Variants in KICS2 observed in about 807,000 individuals in gnomAD.
The protein encoded by KICS2 is KICSTOR complex protein C12orf66.
A neutral mutation model predicts 31.4 loss-of-function variants in KICS2; 13 were observed. The ratio of observed to expected loss-of-function variants is 0.41; its 90% CI spans 0.27 to 0.66. The LOEUF is 0.66. KICS2 is among the 30% of genes least tolerant of loss of function. The pLI is 0.28. For missense variants in KICS2, 455 were observed against 545.4 expected (o/e 0.83, Z 1.65); for synonymous variants, 209 against 214.8 (o/e 0.97, Z 0.24).
At chr12:64,213,822 C>G (rs2037604453) in intron 2 of KICS2, among the ~76,000 whole-genome samples, 1 of 152,196 alleles carries the variant, frequency 6.6e-6, no homozygotes, top group Admixed American at 6.5e-5. Context: ...TCTTCAGTCC[C>G]TCTTGTCTTT....
At chr12:64,212,387 C>T (rs986668369) in intron 2 of KICS2, among the ~76,000 whole-genome samples, 1 of 152,150 alleles carries the variant, frequency 6.6e-6, no homozygotes, top group Non-Finnish European at 1.5e-5. Context: ...ATGACTTTGC[C>T]TGTTCTGGGT....
intron 2 of KICS2, among the ~76,000 whole-genome samples, chr12:64,209,729 T>A (rs1306496263): frequency 6.6e-6 from 1 of 152,186 alleles, no homozygotes; most frequent in Non-Finnish European, 1.5e-5. Context: ...CTGCAATAAC[T>A]CACACAGGAC....
chr12:64,186,661 T>C (rs1253334250), downstream of KICS2: 2 of 152,246 alleles, frequency 1.3e-5, no homozygotes, highest in East Asian at 1.9e-4. Flanking sequence ...TCATGGTTTT[T>C]CCAAAATTTG....
downstream of KICS2, among the ~76,000 whole-genome samples, chr12:64,189,102 G>A (rs529929264): frequency 5.9e-5 from 9 of 152,204 alleles, no homozygotes; most frequent in African/African-American, 1.7e-4. Context: ...GTGGTGAGCC[G>A]AGATCGTGCC....
At position 64,215,794 on chromosome 12, in the gene KICS2, A is replaced by G; in HGVS notation, c.405T>C (p.Ala135=). The G allele has an allele frequency of 6.2e-7, 1 of 1,614,076 alleles. No homozygotes were observed. Among genetic ancestry groups the G allele is most frequent in the Non-Finnish European group, 8.5e-7 (1 of 1,180,018 alleles). The change falls in exon 2 of 3, where the codon GCT becomes GCC. Residue 135 remains alanine (A), a synonymous_variant. Transcript: ENST00000398055. The part of the protein sequence containing the change: ...LSEQLCFFVQ[A]RMEIADFYEK... ...CATAGAAGTCTGCTATCTCCATCCG[A>G]GCCTGAACAAAGAAGCAGAGCTGCT...
downstream of KICS2, among the ~76,000 whole-genome samples, chr12:64,190,734 C>A (rs776455687): frequency 4.6e-5 from 7 of 151,614 alleles, no homozygotes; most frequent in East Asian, 1.4e-3. Flanking sequence ...GGGCGACAGA[C>A]CTTGCCTTTT....
chr12:64,187,271 C>T (rs2037345835), downstream of KICS2: 2 of 241,318 alleles, frequency 8.3e-6, no homozygotes, highest in South Asian at 1.5e-4. Flanking sequence ...TTTCAGGATG[C>T]AGTCCCATGT....
chr12:64,210,917 C>A (rs1592386765), intron 2 of KICS2, among the ~76,000 whole-genome samples: 1 of 152,290 alleles, frequency 6.6e-6, no homozygotes, highest in South Asian at 2.1e-4. Flanking sequence ...CTGGAGCTGA[C>A]ATCTTTCTCT....
At chr12:64,216,166 A>ATCATAAATACTTTATGATT (rs1555182380) in intron 1 of KICS2, among the ~76,000 whole-genome samples, 1 of 144,922 alleles carries the variant, frequency 6.9e-6, no homozygotes, top group East Asian at 2.0e-4. Flanking sequence ...ACTTTATGAT[A>ATCATAAATACTTTATGATT]ATCATAAATA....
intron 2 of KICS2, among the ~76,000 whole-genome samples, chr12:64,203,357 C>T (rs549215766): frequency 2.6e-5 from 4 of 152,318 alleles, no homozygotes; most frequent in African/African-American, 9.6e-5. Flanking sequence ...TTCTGAGAAG[C>T]GCCTAGTGGC....
At chr12:64,190,045 C>A (rs2037367456), downstream of KICS2, among the ~76,000 whole-genome samples, 1 of 152,026 alleles carries the variant, frequency 6.6e-6, no homozygotes, top group Non-Finnish European at 1.5e-5. Flanking sequence ...GAACAAAAAA[C>A]CACAAAGATT....
downstream of KICS2, among the ~76,000 whole-genome samples, chr12:64,189,682 C>T (rs771655868): frequency 6.6e-6 from 1 of 152,068 alleles, no homozygotes; most frequent in Non-Finnish European, 1.5e-5. Flanking sequence ...CACACACACA[C>T]ACACACCACA....
At chr12:64,188,290 T>G (rs564849255), downstream of KICS2, among the ~76,000 whole-genome samples, 4 of 152,130 alleles carry the variant, frequency 2.6e-5, no homozygotes, top group South Asian at 2.1e-4. Flanking sequence ...TTGGGAGGCC[T>G]AGGTGGGCAG....
intron 2 of KICS2, among the ~76,000 whole-genome samples, chr12:64,196,093 C>T (rs2037434069): frequency 6.6e-6 from 1 of 152,222 alleles, no homozygotes; most frequent in South Asian, 2.1e-4. Flanking sequence ...TGGGTGGAGC[C>T]CACCACAGCT....
At chr12:64,219,294 G>A (rs1266821025) in intron 1 of KICS2, among the ~76,000 whole-genome samples, 1 of 152,124 alleles carries the variant, frequency 6.6e-6, no homozygotes, top group Non-Finnish European at 1.5e-5. Flanking sequence ...TGAAACAAAG[G>A]GAAGAAAAGT....
downstream of KICS2, chr12:64,187,757 A>G (rs1003055811): frequency 1.4e-5 from 13 of 903,724 alleles, no homozygotes; most frequent in Non-Finnish European, 2.1e-5. Flanking sequence ...GAGAAAAAAA[A>G]TCTAGTTTTC....
chr12:64,194,882 G>A (rs948877389), intron 2 of KICS2, among the ~76,000 whole-genome samples: 2 of 151,914 alleles, frequency 1.3e-5, no homozygotes, highest in East Asian at 3.9e-4. Context: ...AATAGCCTGA[G>A]AGTAGTGGCC....
intron 2 of KICS2, among the ~76,000 whole-genome samples, chr12:64,205,612 G>GGGAA (rs1246769944): frequency 6.7e-6 from 1 of 148,362 alleles, no homozygotes; most frequent in African/African-American, 2.5e-5. Flanking sequence ...GAGGGAAAAA[G>GGGAA]GGAAGGAAGG....
rs539475175 is a variant in KICS2 at position 64,211,387 on chromosome 12, G to C, written c.521+4291C>G. On this transcript the variant is annotated intron_variant, in intron 2 of 2. Transcript: ENST00000398055. Reference sequence around the variant, plus strand: ...TCCTAGCACTTTGGAAGGCTGAGGTGGGGGGATCATTTGAGGTCAGGAGTT... The same window carrying C: ...TCCTAGCACTTTGGAAGGCTGAGGTCGGGGGATCATTTGAGGTCAGGAGTT... Among the ~76,000 whole-genome samples, 12 of 152,260 alleles carry C rather than the reference G, an allele frequency of 7.9e-5. 1 individual carries two copies. In the South Asian group the frequency reaches 1.7e-3, roughly 21 times the overall value.
Sources: allele counts gnomAD v4.1 joint callset (sites outside exome capture counted in the v4.1 genomes callset), GRCh38; gene constraint gnomAD v4.1.1; transcripts MANE v1.5; gene names NCBI Gene and HGNC (gene_info 2026-07-23, HGNC 2026-07-21).